Variants in IMMP2L observed in about 807,000 individuals in gnomAD.
IMMP2L encodes mitochondrial inner membrane protease subunit 2.
In IMMP2L, 18 loss-of-function variants were observed where a neutral mutation model predicts 19.3. The ratio of observed to expected loss-of-function variants is 0.93; its 90% CI spans 0.64 to 1.38. The LOEUF (loss-of-function observed/expected upper bound fraction) is 1.38, where lower values mean the gene tolerates loss of function less well. Among genes scored for constraint, IMMP2L ranks in the 40% most tolerant of loss-of-function variants. The probability of loss-of-function intolerance (pLI) is 0.00; values close to 1 mark genes in which losing one functional copy is unlikely to be tolerated. For synonymous variants in IMMP2L, 76 were observed against 73.0 expected (o/e 1.04, Z -0.21); for missense variants, 233 against 218.2 (o/e 1.07, Z -0.43).
intron 3 of IMMP2L, among the ~76,000 whole-genome samples, chr7:111,383,854 C>G (rs1355365232): frequency 1.3e-5 from 2 of 152,074 alleles, no homozygotes; most frequent in Non-Finnish European, 2.9e-5. Context: ...CATGAATATT[C>G]AGTTTATATG....
At chr7:110,733,456 GT>G (rs758543576) in intron 5 of IMMP2L, among the ~76,000 whole-genome samples, 3,738 of 138,930 alleles carry the variant, frequency 0.027, 53 homozygotes, top group Non-Finnish European at 0.04. Context: ...GCCAAGGAGT[GT>G]TTTTTTTTTT....
At chr7:111,430,614 A>T (rs1836529008) in intron 3 of IMMP2L, among the ~76,000 whole-genome samples, 1 of 151,856 alleles carries the variant, frequency 6.6e-6, no homozygotes. Context: ...AAATATAAGC[A>T]ATCACTTAGA....
chr7:110,808,006 A>G (rs1231597783), intron 5 of IMMP2L, among the ~76,000 whole-genome samples: 2 of 152,078 alleles, frequency 1.3e-5, no homozygotes, highest in African/African-American at 4.8e-5. Context: ...TTGCTAAAAT[A>G]TTCTCAAAGT....
intron 1 of IMMP2L, among the ~76,000 whole-genome samples, chr7:111,540,919 T>C (rs1264939744): frequency 1.3e-5 from 2 of 152,134 alleles, no homozygotes; most frequent in African/African-American, 2.4e-5. Flanking sequence ...TCAGGCTGTA[T>C]TGACAGCCAT....
At chr7:111,124,011 G>T in intron 3 of IMMP2L, 1 of 1,614,014 alleles carries the variant, frequency 6.2e-7, no homozygotes, top group Non-Finnish European at 8.5e-7. Context: ...TGCATTTCAG[G>T]GACATGATGG....
intron 3 of IMMP2L, among the ~76,000 whole-genome samples, chr7:111,338,481 A>C (rs1283898231): frequency 3.3e-5 from 5 of 152,158 alleles, no homozygotes; most frequent in African/African-American, 4.8e-5. Context: ...GGTAAAAATA[A>C]TTAATGGATA....
intron 4 of IMMP2L, among the ~76,000 whole-genome samples, chr7:110,897,704 G>T (rs892414258): frequency 5.3e-5 from 8 of 152,056 alleles, no homozygotes; most frequent in African/African-American, 1.7e-4. Flanking sequence ...AAACAGGATG[G>T]TTTAATAAAT....
chr7:110,898,823 A>T (rs258986), intron 4 of IMMP2L, among the ~76,000 whole-genome samples: 79,459 of 142,038 alleles, frequency 0.56, 21,764 homozygotes, highest in East Asian at 0.81. Context: ...TTTTTTTTTT[A>T]AATAAAGAAC....
intron 3 of IMMP2L, among the ~76,000 whole-genome samples, chr7:111,131,602 G>A (rs1199533021): frequency 6.6e-6 from 1 of 151,830 alleles, no homozygotes; most frequent in Non-Finnish European, 1.5e-5. Flanking sequence ...CTTACAATAT[G>A]ACAGGCATGC....
intron 4 of IMMP2L, among the ~76,000 whole-genome samples, chr7:110,904,183 T>C (rs1812216614): frequency 6.6e-6 from 1 of 152,160 alleles, no homozygotes; most frequent in Non-Finnish European, 1.5e-5. Flanking sequence ...TTGTAAATAT[T>C]TTCCCCCATT....
At chr7:111,089,558 A>G (rs916553689) in intron 3 of IMMP2L, among the ~76,000 whole-genome samples, 1 of 152,112 alleles carries the variant, frequency 6.6e-6, no homozygotes, top group Non-Finnish European at 1.5e-5. Context: ...TATTACTATT[A>G]TTAAAAGTAC....
chr7:110,714,842 G>C (rs1014488170), intron 5 of IMMP2L, among the ~76,000 whole-genome samples: 4 of 152,148 alleles, frequency 2.6e-5, no homozygotes, highest in Admixed American at 2.0e-4. Context: ...TGATCTGCCT[G>C]CCTCAGCCTC....
At chr7:110,669,108 T>TAGAG (rs1439111205) in intron 5 of IMMP2L, among the ~76,000 whole-genome samples, 4 of 142,108 alleles carry the variant, frequency 2.8e-5, no homozygotes, top group East Asian at 2.1e-4. Flanking sequence ...TATATATATA[T>TAGAG]AGAGAGAGAG....
At chr7:111,388,225 C>T (rs940420292) in intron 3 of IMMP2L, among the ~76,000 whole-genome samples, 4 of 151,898 alleles carry the variant, frequency 2.6e-5, no homozygotes, top group African/African-American at 9.7e-5. Context: ...AAATATTCAA[C>T]CAGTTGGCTG....
intron 3 of IMMP2L, among the ~76,000 whole-genome samples, chr7:111,380,362 T>C (rs1387296074): frequency 3.3e-5 from 5 of 151,996 alleles, no homozygotes; most frequent in Admixed American, 6.6e-5. Context: ...TGTCAAAATA[T>C]GAGCAAGCTA....
At chr7:110,831,977 T>C (rs1309235302) in intron 5 of IMMP2L, among the ~76,000 whole-genome samples, 1 of 152,188 alleles carries the variant, frequency 6.6e-6, no homozygotes, top group Non-Finnish European at 1.5e-5. Flanking sequence ...AAAACCACTC[T>C]GTAGGGCTGG....
intron 3 of IMMP2L, among the ~76,000 whole-genome samples, chr7:111,074,259 A>G (rs1250958510): frequency 6.6e-6 from 1 of 152,202 alleles, no homozygotes; most frequent in South Asian, 2.1e-4. Flanking sequence ...TCCTGACCTG[A>G]CTGTCATCTT....
intron 3 of IMMP2L, among the ~76,000 whole-genome samples, chr7:111,070,744 G>T (rs1293083576): frequency 6.6e-6 from 1 of 152,146 alleles, no homozygotes; most frequent in East Asian, 1.9e-4. Context: ...GACAGCAGGT[G>T]TAGTATATGA....
chr7:111,175,998 T>C (rs965011486), intron 3 of IMMP2L, among the ~76,000 whole-genome samples: 7 of 151,792 alleles, frequency 4.6e-5, no homozygotes, highest in Non-Finnish European at 8.8e-5. Flanking sequence ...GACATACAAA[T>C]GGCATACAGG....
Sources: allele counts gnomAD v4.1 joint callset (sites outside exome capture counted in the v4.1 genomes callset), GRCh38; gene constraint gnomAD v4.1.1; transcripts MANE v1.5; gene names NCBI Gene and HGNC (gene_info 2026-07-23, HGNC 2026-07-21).